The following PRAME variants were observed in gnomAD, a reference collection of about 807,000 sequenced individuals.
The protein encoded by PRAME is melanoma antigen preferentially expressed in tumors.
PRAME carries 21 observed loss-of-function variants against 32.1 expected under a neutral mutation model. That is an observed-to-expected ratio of 0.65 (90% CI 0.46 to 0.94). The LOEUF (loss-of-function observed/expected upper bound fraction) is 0.94, where lower values mean the gene tolerates loss of function less well. PRAME is among the 40% of genes least tolerant of loss of function. The pLI is 0.00. For missense variants in PRAME, 651 were observed against 622.3 expected, an observed-to-expected ratio of 1.05 and a Z score of -0.49; for synonymous variants, 274 against 251.5, an observed-to-expected ratio of 1.09 and a Z score of -0.85.
At chr22:22,554,301 C>A (rs771942984) in intron 3 of PRAME, 50 of 957,354 alleles carry the variant, frequency 5.2e-5, no homozygotes, top group Non-Finnish European at 6.0e-5. Flanking sequence ...TGTCTTGCGG[C>A]CTGACTTTGT....
chr22:22,554,297 G>A (rs1402021276), intron 3 of PRAME: 3 of 970,802 alleles, frequency 3.1e-6, no homozygotes, highest in Non-Finnish European at 2.4e-6. Flanking sequence ...GGAATGTCTT[G>A]CGGCCTGACT....
chr22:22,556,164 T>TC (rs2062902520), intron 3 of PRAME, among the ~76,000 whole-genome samples: 1 of 151,510 alleles, frequency 6.6e-6, no homozygotes, highest in African/African-American at 2.4e-5. Context: ...CACGCCCAGC[T>TC]AATTTTTTTT....
intron 3 of PRAME, chr22:22,553,989 C>A (rs2062754354): frequency 1.0e-6 from 1 of 985,192 alleles, no homozygotes. Flanking sequence ...TGCCCCTAAG[C>A]TGCTCAGGTA....
chr22:22,557,772 G>C (rs1209631988), intron 1 of PRAME, 192 bp from the exon 2 acceptor site: 1 of 47,030 alleles, frequency 2.1e-5, no homozygotes, highest in Non-Finnish European at 4.1e-5. Flanking sequence ...TGTTTTCAAA[G>C]ACTGGGAGGA....
chr22:22,555,394 A>G (rs1390512551), intron 3 of PRAME, among the ~76,000 whole-genome samples: 2 of 151,740 alleles, frequency 1.3e-5, no homozygotes, highest in Non-Finnish European at 2.9e-5. Flanking sequence ...ACGCCCCCAC[A>G]CACGGCTATA....
intron 3 of PRAME, among the ~76,000 whole-genome samples, chr22:22,556,156 C>G (rs181298948): frequency 7.3e-5 from 11 of 151,534 alleles, no homozygotes; most frequent in Non-Finnish European, 1.0e-4. Context: ...TGGGCCACCA[C>G]GCCCAGCTAA....
chr22:22,556,694 T>C (rs1292707425), intron 3 of PRAME, 118 bp downstream of exon 3: 10 of 1,224,790 alleles, frequency 8.2e-6, no homozygotes, highest in Non-Finnish European at 1.2e-5. Context: ...AAGCGGCTCC[T>C]GCCTCTTCGT....
rs769057109 is a variant in PRAME at position 22,548,582 on chromosome 22, C to T, written c.1015G>A (p.Val339Met). The T allele has an allele frequency of 6.2e-7, 1 of 1,612,188 alleles. No individual in the cohort carries two copies. The highest frequency in any genetic ancestry group is 8.5e-7 in the Non-Finnish European group (1 of 1,179,878). Residue 339 changes from valine to methionine, a missense_variant, in exon 6 of 6, where the codon GTG becomes ATG. Coordinates refer to ENST00000405655, the MANE Select transcript of PRAME (RefSeq NM_206956.3). ...CTGGGACTCTGGGACAGATGCATCA[C>T]ATCCCCTTCCGAAAGCCGGCAGTTA... is the stretch of plus-strand genomic sequence containing the variant. ...ITNCRLSEGD[V>M]MHLSQSPSVS...
intron 3 of PRAME, among the ~76,000 whole-genome samples, chr22:22,553,526 G>C (rs1182598525): frequency 1.3e-5 from 2 of 151,904 alleles, no homozygotes; most frequent in Admixed American, 1.3e-4. Context: ...ATGAAAGATA[G>C]TTCCAGTAAA....
chr22:22,553,810 TAAAG>T (rs889131577), intron 3 of PRAME: 72 of 985,048 alleles, frequency 7.3e-5, no homozygotes, highest in Non-Finnish European at 3.0e-5. Flanking sequence ...TCCCTGCAAT[TAAAG>T]AAGTTGTCAG....
chr22:22,548,379 G>A lies in PRAME; in HGVS notation c.1218C>T (p.Ser406=). Residue 406 remains serine, a synonymous_variant, in exon 6 of 6, where the codon TCC becomes TCT. Coordinates refer to ENST00000405655, the MANE Select transcript of PRAME (RefSeq NM_206956.3). ...CGTAGAAGCTTAAGGTCGTAAGCTG[G>A]GAGCAGTGGCTCAGGGAAGGCAGGA... The part of the protein sequence containing the change: ...LALLPSLSHC[S]QLTTLSFYGN... 1 of 1,613,490 alleles carries A rather than the reference G, an allele frequency of 6.2e-7. No homozygotes were observed. Among genetic ancestry groups the A allele is most frequent in the Middle Eastern group, 1.7e-4 (1 of 6,054 alleles).
chr22:22,553,027 C>T (rs2062691122), intron 3 of PRAME: 1 of 444,794 alleles, frequency 2.2e-6, no homozygotes, highest in African/African-American at 2.0e-5. Context: ...TTTTTACTTA[C>T]TTCAGGTTCA....
In PRAME at chr22:22,556,917, T is replaced by C. The variant is rs2062961379; in HGVS notation, c.-77-8A>G. 1.3e-6 allele frequency: 2 copies of C among 1,517,784 alleles called. No homozygotes were observed. The highest frequency in any genetic ancestry group is 2.3e-5 in the East Asian group (1 of 44,280). The allele number at this position is 1,517,784 out of a possible 1,614,324, so 94.0% of individuals were successfully genotyped here. On this transcript the variant is annotated splice_region_variant and splice_polypyrimidine_tract_variant and intron_variant, in intron 2 of 5. Coordinates refer to ENST00000405655, the MANE Select transcript of PRAME (RefSeq NM_206956.3). ...ACTTGTTGCCACGCACGTCTGAGAG[T>C]AATAATCAAAATGCTCCAAAAAGAA...
intron 3 of PRAME, among the ~76,000 whole-genome samples, chr22:22,553,360 T>C (rs755044639): frequency 3.9e-5 from 6 of 151,922 alleles, no homozygotes; most frequent in Non-Finnish European, 8.8e-5. Flanking sequence ...GGGTCAAAAT[T>C]ACACTACAAT....
intron 3 of PRAME, chr22:22,555,730 T>C (rs2062867427): frequency 7.5e-6 from 3 of 398,066 alleles, no homozygotes; most frequent in African/African-American, 6.2e-5. Flanking sequence ...CCAGCACAAG[T>C]CTCCCGGCTT....
In PRAME at chr22:22,556,865, C is replaced by G. The variant is rs1334447496; in HGVS notation, c.-33G>C. The G allele has an allele frequency of 1.2e-6, 2 of 1,612,684 alleles. No individual in the cohort carries two copies. The highest frequency in any genetic ancestry group is 1.7e-6 in the Non-Finnish European group (2 of 1,179,798). Reference sequence around the variant, plus strand: ...CGACTTAGGCTGGCCTCAGGACCTCCAACGCTTGGATTTCTAGGTCTCAGT... The same window carrying G: ...CGACTTAGGCTGGCCTCAGGACCTCGAACGCTTGGATTTCTAGGTCTCAGT... On this transcript the variant is annotated 5_prime_UTR_variant, in exon 3 of 6. Transcript: ENST00000405655.
chr22:22,550,667 G>C (rs2062511988), intron 4 of PRAME, 100 bp downstream of exon 4: 1 of 1,338,378 alleles, frequency 7.5e-7, no homozygotes, highest in South Asian at 1.4e-5. Flanking sequence ...GCAACCATCA[G>C]AGCCTCTGGC....
chr22:22,551,423 A>G (rs1569221289), intron 3 of PRAME, among the ~76,000 whole-genome samples: 2 of 152,046 alleles, frequency 1.3e-5, no homozygotes, highest in Middle Eastern at 3.5e-3. Flanking sequence ...ATTTTGGGAA[A>G]AAGTTTCTGA....
chr22:22,548,651 T>C lies in PRAME; in HGVS notation c.954-8A>G, dbSNP rs748593480. The C allele has an allele frequency of 5.7e-6, 9 of 1,576,630 alleles. No individual in the cohort carries two copies. The highest frequency in any genetic ancestry group is 2.3e-5 in the South Asian group (2 of 88,472). On this transcript the variant is annotated splice_region_variant and splice_polypyrimidine_tract_variant and intron_variant, in intron 5 of 5. Coordinates refer to ENST00000405655, the MANE Select transcript of PRAME (RefSeq NM_206956.3). Reference sequence around the variant, plus strand: ...AAGGGGTTCATCACGTGCCTGCAAATAGACAAAGCAGTTAGTGCTGGGGAA... The same window carrying C: ...AAGGGGTTCATCACGTGCCTGCAAACAGACAAAGCAGTTAGTGCTGGGGAA...
Sources: allele counts gnomAD v4.1 joint callset (sites outside exome capture counted in the v4.1 genomes callset), GRCh38; gene constraint gnomAD v4.1.1; transcripts MANE v1.5; gene names NCBI Gene and HGNC (gene_info 2026-07-23, HGNC 2026-07-21).